Variants in PKHD1 observed in about 807,000 individuals in gnomAD.
The protein encoded by PKHD1 is fibrocystin.
PKHD1 carries 291 observed loss-of-function variants against 412.0 expected under a neutral mutation model. The observed-to-expected ratio is 0.71, with a 90% CI of 0.64 to 0.78. The LOEUF is 0.78. PKHD1 is among the 30% of genes least tolerant of loss of function. PKHD1 has a pLI of 0.00. For missense variants in PKHD1, 4,825 were observed against 4,950.7 expected (o/e 0.97, Z 0.76); for synonymous variants, 1,777 against 1,821.5 (o/e 0.98, Z 0.62).
intron 53 of PKHD1, among the ~76,000 whole-genome samples, chr6:51,776,821 T>C (rs912515163): frequency 2.6e-5 from 4 of 152,050 alleles, no homozygotes; most frequent in African/African-American, 7.2e-5. Context: ...CAGACAGCAG[T>C]TGGAATTCTT....
At chr6:52,010,949 A>G (rs1799734290) in intron 34 of PKHD1, among the ~76,000 whole-genome samples, 1 of 152,152 alleles carries the variant, frequency 6.6e-6, no homozygotes, top group Non-Finnish European at 1.5e-5. Context: ...ACTGGTCCCT[A>G]ATTCCAACTG....
At chr6:51,926,033 T>G (rs1483128739) in intron 37 of PKHD1, among the ~76,000 whole-genome samples, 2 of 143,364 alleles carry the variant, frequency 1.4e-5, no homozygotes, top group Non-Finnish European at 3.0e-5. Context: ...CTGGGAGAGG[T>G]AATAAAATAA....
At chr6:51,645,974 T>C (rs1215535376) in intron 63 of PKHD1, among the ~76,000 whole-genome samples, 1 of 152,216 alleles carries the variant, frequency 6.6e-6, no homozygotes, top group East Asian at 1.9e-4. Flanking sequence ...ACCTTAAAAA[T>C]CATTTTTAAT....
chr6:51,950,449 C>T (rs2127873584), intron 36 of PKHD1, among the ~76,000 whole-genome samples: 1 of 152,104 alleles, frequency 6.6e-6, no homozygotes, highest in South Asian at 2.1e-4. Flanking sequence ...TTGGGCCAGG[C>T]TAATTGGCTT....
At chr6:51,639,394 T>C (rs933465713) in intron 63 of PKHD1, among the ~76,000 whole-genome samples, 8 of 151,984 alleles carry the variant, frequency 5.3e-5, no homozygotes, top group African/African-American at 1.9e-4. Context: ...AGAAAGAAAT[T>C]CTATTATCTT....
At chr6:51,708,368 T>C (rs1000962303) in intron 60 of PKHD1, among the ~76,000 whole-genome samples, 1 of 152,260 alleles carries the variant, frequency 6.6e-6, no homozygotes, top group African/African-American at 2.4e-5. Flanking sequence ...GTCATTATTC[T>C]GTACTGAACT....
intron 22 of PKHD1, among the ~76,000 whole-genome samples, chr6:52,049,938 CA>C (rs1806515504): frequency 6.6e-6 from 1 of 152,184 alleles, no homozygotes; most frequent in African/African-American, 2.4e-5. Context: ...TGCAAATTGT[CA>C]GGTTTTTCCC....
chr6:51,937,057 C>A (rs1787619152), intron 36 of PKHD1, among the ~76,000 whole-genome samples: 1 of 152,154 alleles, frequency 6.6e-6, no homozygotes, highest in Non-Finnish European at 1.5e-5. Context: ...CTCTCTGAAG[C>A]CTGCTACCTG....
At chr6:51,978,040 A>G (rs997781994) in intron 35 of PKHD1, among the ~76,000 whole-genome samples, 2 of 152,238 alleles carry the variant, frequency 1.3e-5, no homozygotes, top group African/African-American at 4.8e-5. Context: ...AGATCCCAGC[A>G]GGAGGATCTA....
intron 43 of PKHD1, among the ~76,000 whole-genome samples, chr6:51,895,073 GCCT>G (rs1779687373): frequency 6.6e-6 from 1 of 152,028 alleles, no homozygotes; most frequent in African/African-American, 2.4e-5. Context: ...TATTGTGGAA[GCCT>G]CCTTATTATC....
At chr6:51,817,429 C>T (rs1436638225) in intron 52 of PKHD1, among the ~76,000 whole-genome samples, 1 of 152,082 alleles carries the variant, frequency 6.6e-6, no homozygotes, top group African/African-American at 2.4e-5. Context: ...CTAGATTTCT[C>T]AAGAAGAAGG....
At chr6:51,704,629 A>G (rs1308151462) in intron 60 of PKHD1, among the ~76,000 whole-genome samples, 4 of 152,100 alleles carry the variant, frequency 2.6e-5, no homozygotes, top group Non-Finnish European at 5.9e-5. Flanking sequence ...TCTGTGAAGG[A>G]TGGAACCGAG....
chr6:51,953,815 A>T (rs1360892828), intron 36 of PKHD1, among the ~76,000 whole-genome samples: 1 of 152,102 alleles, frequency 6.6e-6, no homozygotes, highest in African/African-American at 2.4e-5. Flanking sequence ...ACTAAAAAAC[A>T]GTTGAGAGAA....
chr6:51,984,778 T>G (rs769074358), intron 35 of PKHD1, among the ~76,000 whole-genome samples: 1 of 152,186 alleles, frequency 6.6e-6, no homozygotes, highest in African/African-American at 2.4e-5. Context: ...AGAGGAAATC[T>G]CAGTTACAAA....
intron 60 of PKHD1, among the ~76,000 whole-genome samples, chr6:51,715,880 T>C (rs1781195088): frequency 6.6e-6 from 1 of 152,084 alleles, no homozygotes; most frequent in Non-Finnish European, 1.5e-5. Context: ...TTCAAGACAG[T>C]TATATCTGAG....
intron 60 of PKHD1, among the ~76,000 whole-genome samples, chr6:51,742,074 G>T (rs1195989079): frequency 6.6e-6 from 1 of 152,166 alleles, no homozygotes; most frequent in Admixed American, 6.5e-5. Flanking sequence ...CATTTGAGTA[G>T]ATCTAGGGGT....
intron 35 of PKHD1, among the ~76,000 whole-genome samples, chr6:52,004,525 C>A (rs1798825028): frequency 6.6e-6 from 1 of 152,048 alleles, no homozygotes; most frequent in South Asian, 2.1e-4. Context: ...TTCTCAGGTT[C>A]TTGATTGTAT....
rs576220863 is a variant in PKHD1, at chr6:51,937,035, T to C, written c.5909-2713A>G. Among the ~76,000 whole-genome samples, 14 of 152,268 alleles carry C rather than the reference T, an allele frequency of 9.2e-5. No homozygotes were observed. The East Asian group carries it at 2.5e-3, about 27-fold the overall frequency. ...CCTTTTTAGATCTGCTAAGAAACATTTACAGTCTATTCTCTCTGAAGCCTG... is the reference window on the plus strand; with the variant it reads ...CCTTTTTAGATCTGCTAAGAAACATCTACAGTCTATTCTCTCTGAAGCCTG... On this transcript the variant is annotated intron_variant, in intron 36 of 66. Coordinates refer to ENST00000371117, the MANE Select transcript of PKHD1 (RefSeq NM_138694.4).
intron 35 of PKHD1, among the ~76,000 whole-genome samples, chr6:52,009,312 GA>G: frequency 6.6e-6 from 1 of 152,082 alleles, no homozygotes; most frequent in Admixed American, 6.5e-5. Context: ...AGTAAGGACA[GA>G]AAAAAAATGT....
Sources: allele counts gnomAD v4.1 joint callset (sites outside exome capture counted in the v4.1 genomes callset), GRCh38; gene constraint gnomAD v4.1.1; transcripts MANE v1.5; gene names NCBI Gene and HGNC (gene_info 2026-07-23, HGNC 2026-07-21).